The following CPA6 variants were observed in gnomAD, a reference collection of about 807,000 sequenced individuals.
CPA6 encodes carboxypeptidase A6, also known as carboxypeptidase B.
In CPA6, 58 loss-of-function variants were observed where a neutral mutation model predicts 63.3. The observed-to-expected ratio is 0.92, with a 90% confidence interval of 0.74 to 1.14. CPA6 has a LOEUF of 1.14. Among genes scored for constraint, CPA6 ranks in the 50% most tolerant of loss-of-function variants. The probability of loss-of-function intolerance (pLI) is 0.00; values close to 1 mark genes in which losing one functional copy is unlikely to be tolerated. For synonymous variants in CPA6, 185 were observed against 179.0 expected, an observed-to-expected ratio of 1.03 and a Z score of -0.27; for missense variants, 565 against 526.6, an observed-to-expected ratio of 1.07 and a Z score of -0.71.
chr8:67,434,264 G>A lies in CPA6; in HGVS notation c.839-24C>T, dbSNP rs761221690. ...ATCTGCAAGTCAGAAAAGAAAATGGGGTAAGGAAGTGGGCAGGGAAGAAAC... is the reference window on the plus strand; with the variant it reads ...ATCTGCAAGTCAGAAAAGAAAATGGAGTAAGGAAGTGGGCAGGGAAGAAAC... On this transcript the variant is annotated intron_variant, in intron 8 of 10. Transcript: ENST00000297770. 63 of 1,593,542 alleles carry A rather than the reference G, an allele frequency of 4.0e-5. No homozygotes were observed. The Admixed American group carries it at 6.7e-4, about 17-fold the overall frequency.
chr8:67,543,749 A>G (rs1279042575), intron 2 of CPA6, among the ~76,000 whole-genome samples: 1 of 150,950 alleles, frequency 6.6e-6, no homozygotes, highest in Non-Finnish European at 1.5e-5. Context: ...TACTCATCAA[A>G]CAACAATTCC....
chr8:67,472,752 TG>T (rs1811092090), intron 8 of CPA6, among the ~76,000 whole-genome samples: 1 of 152,192 alleles, frequency 6.6e-6, no homozygotes, highest in Admixed American at 6.5e-5. Context: ...AAACTTTGTT[TG>T]TAATGTCATT....
chr8:67,656,473 G>T (rs145443468), intron 1 of CPA6, among the ~76,000 whole-genome samples: 158 of 152,282 alleles, frequency 1.0e-3, no homozygotes, highest in African/African-American at 3.7e-3. Flanking sequence ...GGCTCATGGA[G>T]CACAGATCAT....
rs145093881 is a variant in CPA6, at chr8:67,638,413, G to A, written c.117-14162C>T. ...CTAAAAAATCAACCTAATAAACCTA[G>A]TAAAATTTAAATTGATATGGTCCAA... On this transcript the variant is annotated intron_variant, in intron 1 of 10. Coordinates refer to ENST00000297770, the MANE Select transcript of CPA6 (RefSeq NM_020361.5). Among the ~76,000 whole-genome samples the A allele has an allele frequency of 2.8e-4, 43 of 151,516 alleles. 5 individuals carry two copies. Among genetic ancestry groups the A allele is most frequent in the African/African-American group, 1.0e-3 (42 of 40,864 alleles).
chr8:67,571,020 G>A (rs2128976347), intron 2 of CPA6, among the ~76,000 whole-genome samples: 1 of 152,178 alleles, frequency 6.6e-6, no homozygotes, highest in African/African-American at 2.4e-5. Flanking sequence ...TCACAAAAAA[G>A]GAAACCAAAA....
chr8:67,632,805 T>C (rs1335047277), intron 1 of CPA6, among the ~76,000 whole-genome samples: 1 of 152,252 alleles, frequency 6.6e-6, no homozygotes, highest in Non-Finnish European at 1.5e-5. Context: ...GTGGCCCATA[T>C]GATATCTACT....
At chr8:67,433,515 G>A (rs1211317979) in intron 9 of CPA6, among the ~76,000 whole-genome samples, 1 of 152,138 alleles carries the variant, frequency 6.6e-6, no homozygotes, top group African/African-American at 2.4e-5. Flanking sequence ...CAAAGACTTA[G>A]TAGCATTAAG....
At chr8:67,616,145 C>T (rs1473252922) in intron 2 of CPA6, among the ~76,000 whole-genome samples, 1 of 152,162 alleles carries the variant, frequency 6.6e-6, no homozygotes, top group Admixed American at 6.5e-5. Context: ...AACCACCAAG[C>T]CTCACCTGAG....
chr8:67,615,157 C>G (rs1325914334), intron 2 of CPA6, among the ~76,000 whole-genome samples: 1 of 152,104 alleles, frequency 6.6e-6, no homozygotes, highest in Non-Finnish European at 1.5e-5. Context: ...ACCTCTAAAA[C>G]CAAGCAAGGC....
chr8:67,634,010 C>G (rs193033925), intron 1 of CPA6, among the ~76,000 whole-genome samples: 85 of 146,606 alleles, frequency 5.8e-4, no homozygotes, highest in Middle Eastern at 3.5e-3. Flanking sequence ...TGTTGAAGTC[C>G]TAACTCCCTC....
intron 1 of CPA6, among the ~76,000 whole-genome samples, chr8:67,655,886 C>T (rs544068052): frequency 6.6e-6 from 1 of 152,238 alleles, no homozygotes; most frequent in South Asian, 2.1e-4. Flanking sequence ...AAGAAAATGT[C>T]TTTGTATAGA....
At position 67,684,114 on chromosome 8, in the gene CPA6, T is replaced by C. The variant is rs1267984510; in HGVS notation, c.117-59863A>G. ...GTTGCCCAGGCTGGTCTCAAACTCC[T>C]GGCCTCAAGTGAAACTCCTGCCTCA... On this transcript the variant is annotated intron_variant, in intron 1 of 10. Coordinates refer to ENST00000297770, the MANE Select transcript of CPA6 (RefSeq NM_020361.5). 3.3e-5 allele frequency among the ~76,000 whole-genome samples: 5 copies of C among 150,176 alleles called. No homozygotes were observed. In the East Asian group the frequency reaches 9.7e-4, roughly 29 times the overall value.
chr8:67,563,137 C>G (rs555213188), intron 2 of CPA6, among the ~76,000 whole-genome samples: 3 of 151,524 alleles, frequency 2.0e-5, no homozygotes, highest in African/African-American at 7.3e-5. Context: ...AAAAACACAA[C>G]CAGGGCCAAA....
At chr8:67,616,192 T>C (rs926837892) in intron 2 of CPA6, among the ~76,000 whole-genome samples, 4 of 152,206 alleles carry the variant, frequency 2.6e-5, no homozygotes, top group African/African-American at 9.6e-5. Context: ...GGGTTAGATG[T>C]CAGTCTTTTA....
Position 67,746,103 on chromosome 8 carries a change from GC to G in CPA6, c.26del (p.Gly9AlafsTer14), listed in dbSNP as rs1019195069. 1 of 1,613,704 alleles carries G rather than the reference GC, an allele frequency of 6.2e-7. No homozygotes were observed. Among genetic ancestry groups the G allele is most frequent in the Non-Finnish European group, 8.5e-7 (1 of 1,179,756 alleles). The part of the protein sequence containing the change: MKCLGKRR[G>X]QAAAFLPLCW... ...AAAGAGGCAGGAAAGCAGCTGCCTG[GC>G]CCCTGCGCTTCCCGAGACACTTCAT... On this transcript the variant is annotated frameshift_variant, in exon 1 of 11. Transcript: ENST00000297770. LOFTEE classifies it high-confidence loss of function.
At chr8:67,639,837 G>A (rs1815549811) in intron 1 of CPA6, among the ~76,000 whole-genome samples, 1 of 151,508 alleles carries the variant, frequency 6.6e-6, no homozygotes, top group African/African-American at 2.4e-5. Flanking sequence ...GTAAGATGAA[G>A]AGGAGCTTTA....
At chr8:67,722,569 A>G (rs1018275695) in intron 1 of CPA6, among the ~76,000 whole-genome samples, 2 of 152,194 alleles carry the variant, frequency 1.3e-5, no homozygotes, top group African/African-American at 4.8e-5. Context: ...AATGAAAAGA[A>G]TGATGGTCCT....
chr8:67,680,039 T>C (rs757160684), intron 1 of CPA6, among the ~76,000 whole-genome samples: 1 of 152,246 alleles, frequency 6.6e-6, no homozygotes, highest in Non-Finnish European at 1.5e-5. Context: ...TTGTCCTTTC[T>C]GAAGATTAGT....
chr8:67,441,593 AT>A (rs1563954065), intron 8 of CPA6, among the ~76,000 whole-genome samples: 2 of 152,208 alleles, frequency 1.3e-5, no homozygotes, highest in African/African-American at 4.8e-5. Flanking sequence ...ATACATAGGT[AT>A]AATCATAGAA....
Sources: gnomAD v4.1 joint callset for allele counts (sites outside exome capture counted in the v4.1 genomes callset) on GRCh38, gnomAD v4.1.1 for gene constraint, MANE v1.5 for transcripts, NCBI Gene and HGNC (gene_info 2026-07-23, HGNC 2026-07-21) for gene names.